The following FAM76B variants were observed in gnomAD, a reference collection of about 807,000 sequenced individuals.
The protein encoded by FAM76B is protein FAM76B.
FAM76B carries 16 observed loss-of-function variants against 51.8 expected under a neutral mutation model. The ratio of observed to expected loss-of-function variants is 0.31; its 90% CI spans 0.21 to 0.47. FAM76B has a LOEUF of 0.47. Ranked by LOEUF, FAM76B falls within the 20% of genes least tolerant of loss-of-function variation. FAM76B has a pLI of 1.00. For missense variants in FAM76B, 342 were observed against 392.6 expected, an observed-to-expected ratio of 0.87 and a Z score of 1.09; for synonymous variants, 166 against 129.5, an observed-to-expected ratio of 1.28 and a Z score of -1.91.
Position 95,789,588 on chromosome 11 carries a change from CCTGCCT to C in FAM76B, c.-116_-111del, listed in dbSNP as rs1860880889. 2.1e-6 allele frequency: 2 copies of C among 942,370 alleles called. No homozygotes were observed. The highest frequency in any genetic ancestry group is 3.1e-6 in the Non-Finnish European group (2 of 648,654). 58.4% of individuals were successfully genotyped at this position (942,370 alleles called of 1,614,324 possible). ...GCGGGCTCCTCCTCCTCCCCCTCCC[CCTGCCT>C]CGCGCCCACCAGGGCCTCGCCGCGA... On this transcript the variant is annotated 5_prime_UTR_variant, in exon 1 of 10. Transcript: ENST00000358780.
At chr11:95,774,241 A>G (rs920528192) in intron 9 of FAM76B, among the ~76,000 whole-genome samples, 1 of 151,446 alleles carries the variant, frequency 6.6e-6, no homozygotes, top group African/African-American at 2.4e-5. Context: ...GTGTGATCAC[A>G]GTTTCCTCTG....
intron 4 of FAM76B, 68 bp downstream of exon 4, chr11:95,786,051 T>A: frequency 1.3e-6 from 2 of 1,555,136 alleles, no homozygotes; most frequent in South Asian, 2.4e-5. Flanking sequence ...GTGTATTAAT[T>A]ATAATTTCCA....
chr11:95,789,661 CT>C lies in FAM76B; in HGVS notation c.-184del. On this transcript the variant is annotated 5_prime_UTR_variant, in exon 1 of 10. Coordinates refer to ENST00000358780, the MANE Select transcript of FAM76B (RefSeq NM_144664.5). ...GGACGACGCCACCGTCTCCCTCCGCCTCCACTTCCGCCCCAGCCCACCCAGT... is the reference window on the plus strand; with the variant it reads ...GGACGACGCCACCGTCTCCCTCCGCCCCACTTCCGCCCCAGCCCACCCAGT... 3.8e-6 allele frequency: 2 copies of C among 526,256 alleles called. No homozygotes were observed. Among genetic ancestry groups the C allele is most frequent in the Middle Eastern group, 9.9e-4 (2 of 2,018 alleles). 32.6% of individuals were successfully genotyped at this position (526,256 alleles called of 1,614,324 possible). A position where few individuals can be genotyped will look rare whatever the true frequency, so the allele number is the denominator to read the frequency against.
intron 5 of FAM76B, among the ~76,000 whole-genome samples, chr11:95,780,873 TA>T (rs1298718287): frequency 6.6e-6 from 1 of 151,542 alleles, no homozygotes; most frequent in Non-Finnish European, 1.5e-5. Flanking sequence ...AAAATAGACA[TA>T]TATATATATA....
At chr11:95,780,873 T>C (rs992456319) in intron 5 of FAM76B, among the ~76,000 whole-genome samples, 1 of 151,542 alleles carries the variant, frequency 6.6e-6, no homozygotes, top group African/African-American at 2.4e-5. Flanking sequence ...AAAATAGACA[T>C]ATATATATAT....
intron 5 of FAM76B, among the ~76,000 whole-genome samples, chr11:95,781,431 G>A (rs1260600116): frequency 6.6e-6 from 1 of 152,028 alleles, no homozygotes; most frequent in African/African-American, 2.4e-5. Flanking sequence ...TAAGTAACCA[G>A]AAGTAAAAAA....
Position 95,787,658 on chromosome 11 carries a change from T to C in FAM76B, c.173A>G (p.Lys58Arg). The C allele has an allele frequency of 6.2e-7, 1 of 1,609,556 alleles. No homozygotes were observed. The highest frequency in any genetic ancestry group is 8.5e-7 in the Non-Finnish European group (1 of 1,177,100). Residue 58 changes from lysine (K) to arginine (R), a missense_variant, in exon 3 of 10, where the codon AAG (lysine) becomes AGG (arginine). By Grantham distance (26) the Lys-to-Arg change is conservative. Transcript: ENST00000358780. Reference protein sequence around the residue: ...QQESKTNTICKKCAQNVKQFG... With the variant: ...QQESKTNTICRKCAQNVKQFG... ...TTGCTTCACATTTTGAGCACACTTCTTACAAATTGTGTTAGTTTTGCTGAA... is the reference window on the plus strand; with the variant it reads ...TTGCTTCACATTTTGAGCACACTTCCTACAAATTGTGTTAGTTTTGCTGAA...
chr11:95,789,234 G>T, intron 1 of FAM76B, 158 bp downstream of exon 1: 1 of 971,444 alleles, frequency 1.0e-6, no homozygotes, highest in Non-Finnish European at 1.5e-6. Flanking sequence ...TAATGTTCAA[G>T]CCCCCAGAAA....
chr11:95,786,091 A>G, intron 4 of FAM76B, 28 bp downstream of exon 4: 5 of 1,578,884 alleles, frequency 3.2e-6, no homozygotes, highest in Non-Finnish European at 3.4e-6. Context: ...TAATTTCCAG[A>G]AGATGTCATA....
chr11:95,777,618 C>T (rs994605370), intron 8 of FAM76B, among the ~76,000 whole-genome samples: 1 of 151,276 alleles, frequency 6.6e-6, no homozygotes, highest in Non-Finnish European at 1.5e-5. Flanking sequence ...AACCATAAGA[C>T]AAAGACACCC....
In FAM76B at chr11:95,769,230, T is replaced by A. The variant is rs1859667192; in HGVS notation, c.*2331A>T. The A allele has an allele frequency of 6.6e-6, 1 of 152,342 alleles. No individual in the cohort carries two copies. The highest frequency in any genetic ancestry group is 2.4e-5 in the African/African-American group (1 of 41,390). 9.4% of individuals were successfully genotyped at this position (152,342 alleles called of 1,614,324 possible). A position where few individuals can be genotyped will look rare whatever the true frequency, so the allele number is the denominator to read the frequency against. On this transcript the variant is annotated 3_prime_UTR_variant, in exon 10 of 10. Coordinates refer to ENST00000358780, the MANE Select transcript of FAM76B (RefSeq NM_144664.5). ...AAAAGCACAATACACCACACCATAG[T>A]ATCTCCTTACAGGTCCACATTTAAA...
At chr11:95,776,055 A>ATTT in intron 8 of FAM76B, 32 bp from the exon 9 acceptor site, 29 of 1,243,934 alleles carry the variant, frequency 2.3e-5, no homozygotes, top group Non-Finnish European at 3.1e-5. Context: ...ATATGTATAT[A>ATTT]TTTGCACACA....
chr11:95,788,699 G>C, intron 1 of FAM76B, 136 bp from the exon 2 acceptor site: 1 of 1,204,578 alleles, frequency 8.3e-7, no homozygotes, highest in South Asian at 1.5e-5. Flanking sequence ...AGAACTGGAT[G>C]CTTTATCATA....
At chr11:95,786,012 G>A (rs1860558756) in intron 4 of FAM76B, 107 bp downstream of exon 4, 1 of 1,355,528 alleles carries the variant, frequency 7.4e-7, no homozygotes, top group Non-Finnish European at 1.0e-6. Context: ...TTGCTTTCAT[G>A]GACCTAAAGA....
chr11:95,787,883 T>C (rs1281544097), intron 2 of FAM76B, among the ~76,000 whole-genome samples: 2 of 152,366 alleles, frequency 1.3e-5, no homozygotes, highest in East Asian at 3.9e-4. Context: ...TTATTGCATA[T>C]TACTTTTTGT....
In FAM76B at chr11:95,779,929, G is replaced by A; in HGVS notation, c.564-3C>T. ...CTTCTGGACTTAGATTGCTGATTCT[G>A]AAAAATACACAAATGACATCTAATA... On this transcript the variant is annotated splice_region_variant and splice_polypyrimidine_tract_variant and intron_variant, in intron 5 of 9. Transcript: ENST00000358780. The A allele has an allele frequency of 6.2e-7, 1 of 1,603,318 alleles. No individual in the cohort carries two copies. The highest frequency in any genetic ancestry group is 8.5e-7 in the Non-Finnish European group (1 of 1,175,364).
intron 9 of FAM76B, among the ~76,000 whole-genome samples, chr11:95,773,924 ATCCATCTTGTGTCACAGGATTCAAT>A (rs1459912419): frequency 1.3e-5 from 2 of 151,272 alleles, no homozygotes; most frequent in Admixed American, 1.3e-4. Flanking sequence ...TTAGAGCAAG[ATCCATCTTGTGTCACAGGATTCAAT>A]TCCTTATTAC....
intron 6 of FAM76B, 62 bp from the exon 7 acceptor site, chr11:95,779,749 T>G: frequency 6.3e-7 from 1 of 1,577,426 alleles, no homozygotes; most frequent in Non-Finnish European, 8.6e-7. Flanking sequence ...AAATGATAAG[T>G]TATTCATCTT....
chr11:95,788,277 A>C (rs1860714929), intron 2 of FAM76B, among the ~76,000 whole-genome samples: 1 of 152,174 alleles, frequency 6.6e-6, no homozygotes, highest in Admixed American at 6.5e-5. Flanking sequence ...TCCATGTAGT[A>C]TTATTCCTTC....
Sources: gnomAD v4.1 joint callset for allele counts (sites outside exome capture counted in the v4.1 genomes callset) on GRCh38, gnomAD v4.1.1 for gene constraint, MANE v1.5 for transcripts, NCBI Gene and HGNC (gene_info 2026-07-23, HGNC 2026-07-21) for gene names.